Variants in MTMR9 observed in about 807,000 individuals in gnomAD.
MTMR9 encodes myotubularin related protein 9.
MTMR9 carries 39 observed loss-of-function variants against 69.5 expected under a neutral mutation model. That is an observed-to-expected ratio of 0.56 (90% confidence interval 0.43 to 0.73). MTMR9 has a LOEUF of 0.73. Ranked by LOEUF, MTMR9 falls within the 30% of genes least tolerant of loss-of-function variation. The pLI is 0.00. For missense variants in MTMR9, 900 were observed against 671.2 expected, an observed-to-expected ratio of 1.34 and a Z score of -3.77; for synonymous variants, 354 against 240.8, an observed-to-expected ratio of 1.47 and a Z score of -4.35.
At chr8:11,337,455 G>A in the MTMR9 span, among the ~76,000 whole-genome samples, 7 of 152,190 alleles carry the variant, frequency 4.6e-5, no homozygotes, top group East Asian at 1.4e-3. Flanking sequence ...ATTTTTGTGG[G>A]GTTTTTCCTC....
chr8:11,284,849 C>A lies in MTMR9; in HGVS notation c.-40C>A. ...CCTGCGGCGGGGTAACCGCCTCGCA[C>A]CTACCGGGCTCGGTTCCCTGGCTCC... is the stretch of plus-strand genomic sequence containing the variant. On this transcript the variant is annotated 5_prime_UTR_variant, in exon 1 of 10. Transcript: ENST00000221086. 1 of 1,554,584 alleles carries A rather than the reference C, an allele frequency of 6.4e-7. No individual in the cohort carries two copies. Among genetic ancestry groups the A allele is most frequent in the Non-Finnish European group, 8.7e-7 (1 of 1,149,384 alleles).
chr8:11,319,361 C>G (rs1316356598), intron 8 of MTMR9: 1 of 183,676 alleles, frequency 5.4e-6, no homozygotes. Context: ...AAATAGAATC[C>G]CAAATATAAC....
downstream of MTMR9, chr8:11,332,213 A>G: frequency 6.7e-7 from 1 of 1,495,968 alleles, no homozygotes; most frequent in Non-Finnish European, 8.9e-7. Flanking sequence ...AAAAAAAATA[A>G]TTATAATAAA....
At position 11,314,990 on chromosome 8, in the gene MTMR9, G is replaced by C; in HGVS notation, c.1039G>C (p.Ala347Pro). The C allele has an allele frequency of 6.2e-7, 1 of 1,613,940 alleles. No individual in the cohort carries two copies. The highest frequency in any genetic ancestry group is 1.1e-5 in the South Asian group (1 of 91,056). The change falls in exon 7 of 10, where the codon GCC becomes CCC. Residue 347 changes from alanine (A) to proline (P), a missense_variant. Transcript: ENST00000221086. ...TTCCACACTCCAGGTGACCTCCTTG[G>C]CCCAGATCATCTTAGAGCCAAGAAG... ...TDSTLQVTSL[A>P]QIILEPRSRT...
chr8:11,332,042 G>T (rs1361034844), downstream of MTMR9: 2 of 1,611,948 alleles, frequency 1.2e-6, no homozygotes, highest in Non-Finnish European at 1.7e-6. Flanking sequence ...ACATCATGGG[G>T]GCAGGGGTTG....
chr8:11,294,438 A>C (rs1201480043), intron 1 of MTMR9, among the ~76,000 whole-genome samples: 1 of 150,434 alleles, frequency 6.6e-6, no homozygotes, highest in Non-Finnish European at 1.5e-5. Context: ...TTTGCTGAGA[A>C]ATTTTTGGTT....
intron 1 of MTMR9, among the ~76,000 whole-genome samples, chr8:11,292,565 C>T (rs539702232): frequency 6.6e-6 from 1 of 152,286 alleles, no homozygotes; most frequent in South Asian, 2.1e-4. Context: ...CTTACTGTGG[C>T]TTAAATTTGC....
chr8:11,331,372 T>A (rs752402456), downstream of MTMR9: 11 of 1,613,906 alleles, frequency 6.8e-6, no homozygotes, highest in Non-Finnish European at 9.3e-6. Flanking sequence ...CTACTTAAAC[T>A]GCGTGGCGAC....
At chr8:11,293,203 G>A (rs1225313752) in intron 1 of MTMR9, among the ~76,000 whole-genome samples, 2 of 152,130 alleles carry the variant, frequency 1.3e-5, no homozygotes, top group African/African-American at 4.8e-5. Context: ...GCTAATGTGT[G>A]TGTTTGTGTC....
intron 6 of MTMR9, among the ~76,000 whole-genome samples, chr8:11,311,609 T>C (rs1800200607): frequency 6.6e-6 from 1 of 152,250 alleles, no homozygotes; most frequent in African/African-American, 2.4e-5. Context: ...TTGAGGTTAT[T>C]GGCCCTGGTA....
At chr8:11,331,924 C>T (rs754220091), downstream of MTMR9, 255 of 1,611,888 alleles carry the variant, frequency 1.6e-4, 3 homozygotes, top group East Asian at 4.3e-3. Context: ...GTGGGCTATG[C>T]GGTCACCAAG....
rs112805340 is a variant in MTMR9 at position 11,316,654 on chromosome 8, G to A, written c.1114-19G>A. The A allele has an allele frequency of 1.9e-3, 2,997 of 1,548,150 alleles. 51 individuals carry two copies. In the African/African-American group the frequency reaches 0.035, roughly 18 times the overall value. On this transcript the variant is annotated intron_variant, in intron 7 of 9. Transcript: ENST00000221086. ...GATCTCACCAGGATATGACTGTCAC[G>A]CCTCCATCTTCCCCCTAGGCTGGTC...
the MTMR9 span, among the ~76,000 whole-genome samples, chr8:11,335,777 A>C: frequency 7.9e-5 from 12 of 152,290 alleles, no homozygotes; most frequent in South Asian, 2.5e-3. Context: ...TATACATGGC[A>C]TACTCCCTGT....
intron 6 of MTMR9, among the ~76,000 whole-genome samples, chr8:11,312,381 C>G (rs1388583453): frequency 1.3e-5 from 2 of 152,168 alleles, no homozygotes; most frequent in Non-Finnish European, 2.9e-5. Context: ...GTCTTTCCCT[C>G]TGTCACCCAA....
rs755051440 is a variant in MTMR9, at chr8:11,309,587, T to G, written c.870T>G (p.His290Gln). Residue 290 changes from histidine to glutamine, a missense_variant, in exon 6 of 10, where the codon CAT (histidine) becomes CAG (glutamine). Physicochemically the swap from His to Gln is conservative, Grantham distance 24. Coordinates refer to ENST00000221086, the MANE Select transcript of MTMR9 (RefSeq NM_015458.4). ...TGGAAGCTTGTAATGACCAAACACATAACATGGACCGATGGCTCAGTAAAT... is the reference window on the plus strand; with the variant it reads ...TGGAAGCTTGTAATGACCAAACACAGAACATGGACCGATGGCTCAGTAAAT... ...KLVEACNDQT[H>Q]NMDRWLSKLE... is the part of the protein sequence containing the mutation. 1 of 1,613,904 alleles carries G rather than the reference T, an allele frequency of 6.2e-7. No homozygotes were observed. Among genetic ancestry groups the G allele is most frequent in the Non-Finnish European group, 8.5e-7 (1 of 1,179,842 alleles).
Position 11,319,914 on chromosome 8 carries a change from G to A in MTMR9, c.1486+76G>A, listed in dbSNP as rs373791065. ...CTGCCTGTGAGTGTGTGCTGTTGGTGATGTATGAAGATGGTGAGCTGGACG... is the reference window on the plus strand; with the variant it reads ...CTGCCTGTGAGTGTGTGCTGTTGGTAATGTATGAAGATGGTGAGCTGGACG... On this transcript the variant is annotated intron_variant, in intron 9 of 9. Transcript: ENST00000221086. 5.5e-6 allele frequency: 8 copies of A among 1,453,912 alleles called. No homozygotes were observed. In the East Asian group the frequency reaches 1.4e-4, roughly 25 times the overall value. 90.1% of individuals were successfully genotyped at this position (1,453,912 alleles called of 1,614,324 possible).
At chr8:11,297,486 C>G (rs1006866679) in intron 2 of MTMR9, among the ~76,000 whole-genome samples, 3 of 150,974 alleles carry the variant, frequency 2.0e-5, no homozygotes, top group African/African-American at 7.3e-5. Flanking sequence ...GGCAGAGGAA[C>G]ATTACCCACT....
At chr8:11,287,917 TTA>T (rs200410487) in intron 1 of MTMR9, among the ~76,000 whole-genome samples, 301 of 128,206 alleles carry the variant, frequency 2.3e-3, no homozygotes, top group African/African-American at 8.7e-3. Flanking sequence ...ATAATATGTA[TTA>T]TATATTATAT....
At chr8:11,292,999 C>G (rs1243325024) in intron 1 of MTMR9, among the ~76,000 whole-genome samples, 1 of 152,190 alleles carries the variant, frequency 6.6e-6, no homozygotes, top group African/African-American at 2.4e-5. Flanking sequence ...ACTGCTTATA[C>G]TTCTAAAAAG....
Sources: gnomAD v4.1 joint callset for allele counts (sites outside exome capture counted in the v4.1 genomes callset) on GRCh38, gnomAD v4.1.1 for gene constraint, MANE v1.5 for transcripts, NCBI Gene and HGNC (gene_info 2026-07-23, HGNC 2026-07-21) for gene names.